The following ZNF503 variants were observed in gnomAD, a reference collection of about 807,000 sequenced individuals.
The protein encoded by ZNF503 is NocA-like zinc finger 2.
In ZNF503, 15 loss-of-function variants were observed where a neutral mutation model predicts 34.4. That is an observed-to-expected ratio of 0.44 (90% CI 0.29 to 0.67). The LOEUF (loss-of-function observed/expected upper bound fraction) is 0.67. Among genes scored for constraint, ZNF503 ranks in the 30% least tolerant of loss-of-function variants. ZNF503 has a pLI of 0.13. For missense variants in ZNF503, 1,007 were observed against 926.8 expected (o/e 1.09, Z -1.12); for synonymous variants, 580 against 456.8 (o/e 1.27, Z -3.44).
At chr10:75,355,695 C>A in the ZNF503 span, among the ~76,000 whole-genome samples, 1 of 152,342 alleles carries the variant, frequency 6.6e-6, no homozygotes, top group Non-Finnish European at 1.5e-5. Context: ...GTACATTTGG[C>A]TATCCTGGTT....
At chr10:75,334,755 T>C in the ZNF503 span, among the ~76,000 whole-genome samples, 2 of 152,210 alleles carry the variant, frequency 1.3e-5, no homozygotes, top group African/African-American at 4.8e-5. Flanking sequence ...CAGAAGTCTT[T>C]TTTGTTTTCT....
chr10:75,383,622 A>G, the ZNF503 span, among the ~76,000 whole-genome samples: 44 of 152,264 alleles, frequency 2.9e-4, no homozygotes, highest in Non-Finnish European at 4.6e-4. Flanking sequence ...TAGTCACTCA[A>G]TCAGCTCTTC....
chr10:75,401,629 G>A lies in ZNF503; in HGVS notation c.-210C>T, dbSNP rs888538242. 18 of 604,024 alleles carry A rather than the reference G, an allele frequency of 3.0e-5. No individual in the cohort carries two copies. Among genetic ancestry groups the A allele is most frequent in the Non-Finnish European group, 4.8e-5 (17 of 355,942 alleles). 37.4% of individuals were successfully genotyped at this position (604,024 alleles called of 1,614,324 possible). A position where few individuals can be genotyped will look rare whatever the true frequency, so the allele number is the denominator to read the frequency against. On this transcript the variant is annotated 5_prime_UTR_variant, in exon 1 of 2. Coordinates refer to ENST00000372524, the MANE Select transcript of ZNF503 (RefSeq NM_032772.6). ...GCAGCGGAGCCGTGGCCGGGCTAGA[G>A]GAGCCGGCTGGACTGCGGGAGTGCC...
chr10:75,291,746 C>T, the ZNF503 span, among the ~76,000 whole-genome samples: 1 of 152,188 alleles, frequency 6.6e-6, no homozygotes, highest in South Asian at 2.1e-4. Flanking sequence ...ATCTTGTCAT[C>T]ACACCAGGAC....
the ZNF503 span, among the ~76,000 whole-genome samples, chr10:75,337,342 C>T: frequency 3.5e-5 from 5 of 142,342 alleles, no homozygotes; most frequent in Non-Finnish European, 3.0e-5. Context: ...AAAAAATTCT[C>T]GGTGGGGCAC....
the ZNF503 span, among the ~76,000 whole-genome samples, chr10:75,281,221 A>C: frequency 6.6e-6 from 1 of 152,048 alleles, no homozygotes; most frequent in Non-Finnish European, 1.5e-5. Context: ...GAGAGATGTG[A>C]CCTAGTTTGC....
chr10:75,370,555 C>T, the ZNF503 span, among the ~76,000 whole-genome samples: 42 of 151,916 alleles, frequency 2.8e-4, 1 homozygote, highest in Admixed American at 2.4e-3. Context: ...TCGAGGCAGA[C>T]GGATCATGAG....
chr10:75,327,719 G>T, the ZNF503 span, among the ~76,000 whole-genome samples: 3 of 151,974 alleles, frequency 2.0e-5, no homozygotes, highest in Non-Finnish European at 4.4e-5. Context: ...TCCACTAACC[G>T]TGTGTAATAG....
chr10:75,381,547 G>C, the ZNF503 span, among the ~76,000 whole-genome samples: 62 of 152,212 alleles, frequency 4.1e-4, 1 homozygote, highest in Admixed American at 1.4e-3. Context: ...AAAGGGAAGG[G>C]GTACACTTTT....
the ZNF503 span, chr10:75,283,451 G>T: frequency 6.6e-6 from 1 of 152,412 alleles, no homozygotes; most frequent in South Asian, 2.1e-4. Flanking sequence ...GGCCAGAAGG[G>T]AGGCCACATT....
At chr10:75,333,474 C>T in the ZNF503 span, among the ~76,000 whole-genome samples, 1 of 58,430 alleles carries the variant, frequency 1.7e-5, no homozygotes. Flanking sequence ...CCCCCCACCT[C>T]CCTCCCGGAC....
the ZNF503 span, among the ~76,000 whole-genome samples, chr10:75,284,470 G>A: frequency 6.6e-6 from 1 of 152,052 alleles, no homozygotes; most frequent in Non-Finnish European, 1.5e-5. Flanking sequence ...GAGAGGACAG[G>A]AAGGGAGCAA....
the ZNF503 span, among the ~76,000 whole-genome samples, chr10:75,294,562 C>T: frequency 6.6e-6 from 1 of 152,224 alleles, no homozygotes; most frequent in Non-Finnish European, 1.5e-5. Context: ...GGGGTGGCAT[C>T]TCTTCACTGT....
chr10:75,362,537 C>A, the ZNF503 span, among the ~76,000 whole-genome samples: 4,745 of 152,208 alleles, frequency 0.031, 213 homozygotes, highest in African/African-American at 0.099. Context: ...TCAGGCAGCT[C>A]TTCTCAGATA....
chr10:75,366,793 T>A, the ZNF503 span, among the ~76,000 whole-genome samples: 1 of 152,214 alleles, frequency 6.6e-6, no homozygotes, highest in African/African-American at 2.4e-5. Context: ...ACCAACAGGA[T>A]CATTGTGTAA....
At chr10:75,301,228 G>C in the ZNF503 span, among the ~76,000 whole-genome samples, 15 of 152,032 alleles carry the variant, frequency 9.9e-5, no homozygotes, top group African/African-American at 3.6e-4. Context: ...ATATGGCTGG[G>C]TTAACACCTG....
At chr10:75,317,574 T>C in the ZNF503 span, among the ~76,000 whole-genome samples, 1 of 151,684 alleles carries the variant, frequency 6.6e-6, no homozygotes, top group Non-Finnish European at 1.5e-5. Context: ...CATGAGCCAC[T>C]GCTCCCGGCC....
At chr10:75,351,800 G>C in the ZNF503 span, among the ~76,000 whole-genome samples, 1 of 152,148 alleles carries the variant, frequency 6.6e-6, no homozygotes, top group African/African-American at 2.4e-5. Flanking sequence ...ACTTTAGAAC[G>C]GGACAGACTG....
At chr10:75,386,782 C>G in the ZNF503 span, among the ~76,000 whole-genome samples, 1 of 152,230 alleles carries the variant, frequency 6.6e-6, no homozygotes, top group Admixed American at 6.5e-5. Context: ...ATCCCCACAT[C>G]TGCCATTTTC....
Sources: gnomAD v4.1 joint callset for allele counts (sites outside exome capture counted in the v4.1 genomes callset) on GRCh38, gnomAD v4.1.1 for gene constraint, MANE v1.5 for transcripts, NCBI Gene and HGNC (gene_info 2026-07-23, HGNC 2026-07-21) for gene names.